CLRN1: variants seen among roughly 807,000 people sequenced by gnomAD.
CLRN1 encodes the protein clarin 1, also known as clarin-1.
A neutral mutation model predicts 18.7 loss-of-function variants in CLRN1; 15 were observed. The observed-to-expected ratio is 0.80, with a 90% CI of 0.54 to 1.23. The LOEUF is 1.23. Among genes scored for constraint, CLRN1 ranks in the 50% most tolerant of loss-of-function variants. CLRN1 has a pLI of 0.00. For synonymous variants in CLRN1, 104 were observed against 102.9 expected (o/e 1.01, Z -0.07); for missense variants, 311 against 277.5 (o/e 1.12, Z -0.86).
chr3:150,960,234 A>G (rs1714960664), intron 1 of CLRN1, among the ~76,000 whole-genome samples: 1 of 152,216 alleles, frequency 6.6e-6, no homozygotes. Flanking sequence ...ATTGTTGTAA[A>G]TTTTAAGTAA....
intron 2 of CLRN1, 130 bp from the exon 3 acceptor site, chr3:150,928,331 T>C: frequency 8.7e-7 from 1 of 1,154,624 alleles, no homozygotes; most frequent in Non-Finnish European, 1.2e-6. Context: ...CAAAAAATTA[T>C]TGCATATTTG....
At position 150,966,087 on chromosome 3, in the gene CLRN1, A is replaced by G. The variant is rs376007692; in HGVS notation, c.253+6369T>C. Among the ~76,000 whole-genome samples the G allele has an allele frequency of 4.0e-4, 61 of 152,316 alleles. 1 individual carries two copies. In the East Asian group the frequency reaches 4.4e-3, roughly 11 times the overall value. On this transcript the variant is annotated intron_variant, in intron 1 of 2. Coordinates refer to ENST00000327047, the MANE Select transcript of CLRN1 (RefSeq NM_174878.3). ...ATAATTCCAGCACTTTGGGAGGCCA[A>G]TGCAGGAGGATTGCTTGAGCCCAGC...
chr3:150,967,154 G>C (rs1281894621), intron 1 of CLRN1, among the ~76,000 whole-genome samples: 11 of 152,184 alleles, frequency 7.2e-5, no homozygotes, highest in African/African-American at 2.7e-4. Flanking sequence ...TGAGGCCCTG[G>C]TTTGAAGGAG....
intron 1 of CLRN1, among the ~76,000 whole-genome samples, chr3:150,966,907 A>G (rs1715286086): frequency 6.6e-6 from 1 of 152,216 alleles, no homozygotes; most frequent in Non-Finnish European, 1.5e-5. Context: ...TGTCTAGAAC[A>G]GCGAGCCCCT....
intron 1 of CLRN1, among the ~76,000 whole-genome samples, chr3:150,946,185 G>T (rs1714157263): frequency 6.6e-6 from 1 of 152,146 alleles, no homozygotes; most frequent in Non-Finnish European, 1.5e-5. Flanking sequence ...TGGGAAAAAA[G>T]CCAAAAGGGA....
At chr3:150,930,538 T>C (rs1713080437) in intron 2 of CLRN1, among the ~76,000 whole-genome samples, 1 of 152,200 alleles carries the variant, frequency 6.6e-6, no homozygotes, top group African/African-American at 2.4e-5. Flanking sequence ...TGTAAAATTT[T>C]GTCAGCCTAT....
intron 1 of CLRN1, among the ~76,000 whole-genome samples, chr3:150,949,663 G>A (rs1274476257): frequency 6.6e-6 from 1 of 152,098 alleles, no homozygotes; most frequent in African/African-American, 2.4e-5. Flanking sequence ...TCTACAATAT[G>A]AGTTACAAAA....
intron 1 of CLRN1, among the ~76,000 whole-genome samples, chr3:150,951,338 A>AATAT (rs35977749): frequency 5.9e-5 from 9 of 151,376 alleles, no homozygotes; most frequent in South Asian, 2.1e-4. Flanking sequence ...GAGTCTGGGT[A>AATAT]ATATATATAT....
chr3:150,928,003 A>G lies in CLRN1; in HGVS notation c.632T>C (p.Phe211Ser), dbSNP rs752143158. 2 of 1,614,196 alleles carry G rather than the reference A, an allele frequency of 1.2e-6. No homozygotes were observed. Among genetic ancestry groups the G allele is most frequent in the African/African-American group, 2.7e-5 (2 of 75,054 alleles). ...LNGLLIRLAGFQFPFAKSKDA... is the reference protein window; with the variant it reads ...LNGLLIRLAGSQFPFAKSKDA... ...TTTAGATTTTGCAAAAGGGAACTGA[A>G]ATCCAGCAAGTCGTATTAGGAGCCC... is the stretch of plus-strand genomic sequence containing the variant. Residue 211 changes from phenylalanine to serine, a missense_variant, in exon 3 of 3, where the codon TTT (phenylalanine) becomes TCT (serine). Coordinates refer to ENST00000327047, the MANE Select transcript of CLRN1 (RefSeq NM_174878.3).
At chr3:150,947,205 G>A (rs1714220677) in intron 1 of CLRN1, among the ~76,000 whole-genome samples, 1 of 151,902 alleles carries the variant, frequency 6.6e-6, no homozygotes, top group South Asian at 2.1e-4. Flanking sequence ...ATAAAGGGAT[G>A]GAGGAAAATC....
At chr3:150,928,407 A>T (rs1302270418) in intron 2 of CLRN1, among the ~76,000 whole-genome samples, 1 of 152,190 alleles carries the variant, frequency 6.6e-6, no homozygotes. Context: ...GCTCTGAGTG[A>T]AGAAGATTTG....
chr3:150,927,860 A>T lies in CLRN1; in HGVS notation c.*76T>A. The T allele has an allele frequency of 6.5e-7, 1 of 1,531,686 alleles. No homozygotes were observed. Among genetic ancestry groups the T allele is most frequent in the South Asian group, 1.1e-5 (1 of 89,018 alleles). The allele number at this position is 1,531,686 out of a possible 1,614,324, so 94.9% of individuals were successfully genotyped here. A position where few individuals can be genotyped will look rare whatever the true frequency, so the allele number is the denominator to read the frequency against. ...GCTTTAATATATGCAGACTAAAAGG[A>T]TATGCAAAATTAACCACATCTAAAA... On this transcript the variant is annotated 3_prime_UTR_variant, in exon 3 of 3. Transcript: ENST00000327047.
intron 1 of CLRN1, among the ~76,000 whole-genome samples, chr3:150,950,723 C>G (rs1266728071): frequency 6.6e-6 from 1 of 152,140 alleles, no homozygotes; most frequent in Admixed American, 6.5e-5. Context: ...TTAGTTCAAC[C>G]ACTGTGGAAA....
intron 1 of CLRN1, chr3:150,945,547 T>C (rs10935822): frequency 0.24 from 311,182 of 1,285,926 alleles, 40,202 homozygotes; most frequent in East Asian, 0.41. Context: ...AGCTTAGTGC[T>C]ATCCAATAGG....
rs767927529 is a variant in CLRN1, at chr3:150,927,853, T to C, written c.*83A>G. 4.0e-6 allele frequency: 6 copies of C among 1,510,014 alleles called. No individual in the cohort carries two copies. The South Asian group carries it at 6.8e-5, about 17-fold the overall frequency. 93.5% of individuals were successfully genotyped at this position (1,510,014 alleles called of 1,614,324 possible). A position where few individuals can be genotyped will look rare whatever the true frequency, so the allele number is the denominator to read the frequency against. On this transcript the variant is annotated 3_prime_UTR_variant, in exon 3 of 3. Coordinates refer to ENST00000327047, the MANE Select transcript of CLRN1 (RefSeq NM_174878.3). Reference sequence around the variant, plus strand: ...TCCTGATGCTTTAATATATGCAGACTAAAAGGATATGCAAAATTAACCACA... The same window carrying C: ...TCCTGATGCTTTAATATATGCAGACCAAAAGGATATGCAAAATTAACCACA...
At chr3:150,961,790 T>C (rs1160939958) in intron 1 of CLRN1, among the ~76,000 whole-genome samples, 2 of 152,218 alleles carry the variant, frequency 1.3e-5, no homozygotes, top group South Asian at 2.1e-4. Context: ...CCAGTCATTA[T>C]GAAAATCCAG....
intron 1 of CLRN1, among the ~76,000 whole-genome samples, chr3:150,960,396 A>G (rs78194072): frequency 6.6e-6 from 1 of 152,292 alleles, no homozygotes; most frequent in East Asian, 1.9e-4. Flanking sequence ...GTCAGAGTAC[A>G]TGTCTCTGCA....
intron 1 of CLRN1, among the ~76,000 whole-genome samples, chr3:150,949,447 A>G (rs1376466024): frequency 6.6e-6 from 1 of 152,168 alleles, no homozygotes; most frequent in African/African-American, 2.4e-5. Context: ...ATGATTCTAT[A>G]TCTAAAAAAC....
chr3:150,948,250 C>T (rs71306532), intron 1 of CLRN1, among the ~76,000 whole-genome samples: 2 of 152,026 alleles, frequency 1.3e-5, no homozygotes, highest in Admixed American at 6.5e-5. Context: ...TTTGGGAGGC[C>T]GAGGCGGGCG....
Sources: gnomAD v4.1 joint callset for allele counts (sites outside exome capture counted in the v4.1 genomes callset) on GRCh38, gnomAD v4.1.1 for gene constraint, MANE v1.5 for transcripts, NCBI Gene and HGNC (gene_info 2026-07-23, HGNC 2026-07-21) for gene names.